KLHL24: variants seen among roughly 807,000 people sequenced by gnomAD.
KLHL24 encodes kelch-like protein 24.
KLHL24 carries 29 observed loss-of-function variants against 53.4 expected under a neutral mutation model. The observed-to-expected ratio is 0.54, with a 90% CI of 0.40 to 0.74. The LOEUF is 0.74. Ranked by LOEUF, KLHL24 falls within the 30% of genes least tolerant of loss-of-function variation. KLHL24 has a pLI of 0.00. For synonymous variants in KLHL24, 222 were observed against 253.7 expected, an observed-to-expected ratio of 0.88 and a Z score of 1.19; for missense variants, 504 against 744.0, an observed-to-expected ratio of 0.68 and a Z score of 3.75.
chr3:183,640,593 CTTTTTT>C (rs1560146340), intron 1 of KLHL24, among the ~76,000 whole-genome samples: 128 of 144,826 alleles, frequency 8.8e-4, no homozygotes, highest in African/African-American at 3.3e-3. Flanking sequence ...TTTCTTTTTT[CTTTTTT>C]CTTTTTTTTT....
At chr3:183,649,577 T>C (rs1049181961) in intron 2 of KLHL24, among the ~76,000 whole-genome samples, 7 of 151,992 alleles carry the variant, frequency 4.6e-5, no homozygotes, top group African/African-American at 1.7e-4. Flanking sequence ...TTAAAGGCTA[T>C]TGATAGATAT....
chr3:183,681,516 T>A lies in KLHL24; in HGVS notation c.*2230T>A, dbSNP rs1022433497. 1 of 152,328 alleles carries A rather than the reference T, an allele frequency of 6.6e-6. No individual in the cohort carries two copies. Among genetic ancestry groups the A allele is most frequent in the African/African-American group, 2.4e-5 (1 of 41,460 alleles). The allele number at this position is 152,328 out of a possible 1,614,324, so 9.4% of individuals were successfully genotyped here. ...TTATAGTAAATTTGAAATGAAATCC[T>A]GAAAAACAGAATTTTTTTAAACACA... On this transcript the variant is annotated 3_prime_UTR_variant, in exon 8 of 8. Coordinates refer to ENST00000242810, the MANE Select transcript of KLHL24 (RefSeq NM_017644.3).
intron 3 of KLHL24, among the ~76,000 whole-genome samples, chr3:183,658,938 G>A (rs926321371): frequency 6.6e-6 from 1 of 151,632 alleles, no homozygotes; most frequent in Non-Finnish European, 1.5e-5. Context: ...CGAGTAGCTG[G>A]AACTACAGGC....
chr3:183,669,289 T>G (rs1721009844), intron 5 of KLHL24, among the ~76,000 whole-genome samples: 1 of 151,942 alleles, frequency 6.6e-6, no homozygotes, highest in Non-Finnish European at 1.5e-5. Context: ...GAGGCAGACA[T>G]TGCAGTGAGC....
intron 3 of KLHL24, among the ~76,000 whole-genome samples, chr3:183,658,773 C>G (rs953394771): frequency 6.6e-6 from 1 of 151,684 alleles, no homozygotes; most frequent in Non-Finnish European, 1.5e-5. Context: ...AAAGTGGTAT[C>G]TCATAATTTT....
chr3:183,663,066 C>T lies in KLHL24; in HGVS notation c.921-392C>T, dbSNP rs1720027704. Among the ~76,000 whole-genome samples, 1 of 152,090 alleles carries T rather than the reference C, an allele frequency of 6.6e-6. No individual in the cohort carries two copies. The highest frequency in any genetic ancestry group is 2.4e-5 in the African/African-American group (1 of 41,424). Reference sequence around the variant, plus strand: ...CAAGCTGATGAAAGAGCACCATTTTCCTACAGTTAGAAAAAAATGCATTAT... The same window carrying T: ...CAAGCTGATGAAAGAGCACCATTTTTCTACAGTTAGAAAAAAATGCATTAT... On this transcript the variant is annotated intron_variant, in intron 3 of 7. Transcript: ENST00000242810. This position sits in a 1 kb window ranked among gnomAD's most constrained non-coding sequence, Gnocchi z 4.9.
At chr3:183,666,900 T>C (rs951571853) in intron 5 of KLHL24, among the ~76,000 whole-genome samples, 9 of 152,096 alleles carry the variant, frequency 5.9e-5, no homozygotes, top group African/African-American at 2.2e-4. Flanking sequence ...CTCAAATTAA[T>C]GAACAACTAA....
rs2108842867 is a variant in KLHL24 at position 183,663,160 on chromosome 3, C to A, written c.921-298C>A. 6.6e-6 allele frequency among the ~76,000 whole-genome samples: 1 copy of A among 152,146 alleles called. No individual in the cohort carries two copies. The highest frequency in any genetic ancestry group is 1.5e-5 in the Non-Finnish European group (1 of 68,026). On this transcript the variant is annotated intron_variant, in intron 3 of 7. Transcript: ENST00000242810. This position sits in a 1 kb window ranked among gnomAD's most constrained non-coding sequence, Gnocchi z 4.9. ...CATTTGAAAGTCATCCTTAATATTG[C>A]CAGGATTCTGATTGGGTTAGATAGG...
chr3:183,659,468 A>G (rs1457410469), intron 3 of KLHL24, among the ~76,000 whole-genome samples: 1 of 152,198 alleles, frequency 6.6e-6, no homozygotes, highest in East Asian at 1.9e-4. Flanking sequence ...ACCCGGGAAG[A>G]GGCAGAGATT....
intron 7 of KLHL24, among the ~76,000 whole-genome samples, chr3:183,675,588 T>A (rs1711703126): frequency 6.6e-6 from 1 of 152,084 alleles, no homozygotes; most frequent in African/African-American, 2.4e-5. Flanking sequence ...AAGCTGCTTT[T>A]TATTGGTTTA....
Position 183,679,327 on chromosome 3 carries a change from T to G in KLHL24, c.*41T>G. The stretch of plus-strand genomic sequence containing the variant: ...CCGAAGAAGCCACACTGATCCAAGA[T>G]GGGAGGTTTTAAAAACTCTACAGTG... On this transcript the variant is annotated 3_prime_UTR_variant, in exon 8 of 8. Coordinates refer to ENST00000242810, the MANE Select transcript of KLHL24 (RefSeq NM_017644.3). 427 of 1,507,846 alleles carry G rather than the reference T, an allele frequency of 2.8e-4. No homozygotes were observed. Among genetic ancestry groups the G allele is most frequent in the Non-Finnish European group, 3.5e-4 (381 of 1,086,436 alleles). The allele number at this position is 1,507,846 out of a possible 1,614,324, so 93.4% of individuals were successfully genotyped here. A position where few individuals can be genotyped will look rare whatever the true frequency, so the allele number is the denominator to read the frequency against.
chr3:183,649,158 A>T (rs186498602), intron 2 of KLHL24, among the ~76,000 whole-genome samples: 3 of 152,344 alleles, frequency 2.0e-5, no homozygotes, highest in Non-Finnish European at 2.9e-5. Flanking sequence ...AAATTTTTTT[A>T]AATGAATATT....
intron 3 of KLHL24, among the ~76,000 whole-genome samples, chr3:183,661,250 C>A (rs1442845700): frequency 3.3e-5 from 5 of 151,382 alleles, no homozygotes; most frequent in Non-Finnish European, 7.4e-5. Context: ...GAAAGAAAAA[C>A]AAAAAAAGAA....
At chr3:183,656,797 C>T (rs935159227) in intron 3 of KLHL24, among the ~76,000 whole-genome samples, 6 of 151,784 alleles carry the variant, frequency 4.0e-5, no homozygotes, top group East Asian at 3.9e-4. Context: ...CAGTGGCTCA[C>T]GCCTGTAATC....
chr3:183,667,802 G>A lies in KLHL24; in HGVS notation c.1224+2763G>A, dbSNP rs560757203. On this transcript the variant is annotated intron_variant, in intron 5 of 7. Coordinates refer to ENST00000242810, the MANE Select transcript of KLHL24 (RefSeq NM_017644.3). Reference sequence around the variant, plus strand: ...CACAGTCATGGCTCACTGCAGCCTGGACATCCTGGGCTCAAGTGATCCTTC... The same window carrying A: ...CACAGTCATGGCTCACTGCAGCCTGAACATCCTGGGCTCAAGTGATCCTTC... Among the ~76,000 whole-genome samples the A allele has an allele frequency of 3.6e-4, 55 of 152,080 alleles. 1 individual carries two copies. In the East Asian group the frequency reaches 7.9e-3, roughly 22 times the overall value.
rs1475287654 is a variant in KLHL24, at chr3:183,671,156, G to A, written c.1347G>A (p.Val449=). 1.2e-6 allele frequency: 2 copies of A among 1,613,988 alleles called. No homozygotes were observed. Among genetic ancestry groups the A allele is most frequent in the African/African-American group, 2.7e-5 (2 of 74,902 alleles). ...AGGAAGCCGTGAGTTCTCCTGCAGT[G>A]ACTAGCTGTGTAGGCAAACTGTTTG... ...PLKEAVSSPA[V]TSCVGKLFVI... The change falls in exon 6 of 8, where the codon GTG becomes GTA. Residue 449 remains valine (V), a synonymous_variant. Transcript: ENST00000242810.
At chr3:183,672,590 C>A in intron 7 of KLHL24, 106 bp downstream of exon 7, 1 of 838,244 alleles carries the variant, frequency 1.2e-6, no homozygotes, top group African/African-American at 1.7e-5. Context: ...TCAGGCTGGG[C>A]GTGGTGGCTC....
intron 3 of KLHL24, among the ~76,000 whole-genome samples, chr3:183,661,837 CAG>C (rs1560171559): frequency 2.0e-5 from 3 of 152,102 alleles, no homozygotes; most frequent in Non-Finnish European, 4.4e-5. Flanking sequence ...TATATTAAGA[CAG>C]AAGTGATTTA....
intron 2 of KLHL24, among the ~76,000 whole-genome samples, chr3:183,648,279 T>C (rs1287827027): frequency 6.6e-6 from 1 of 152,160 alleles, no homozygotes; most frequent in Non-Finnish European, 1.5e-5. Context: ...GAGAATACTA[T>C]ATATAAGAGA....
Sources: gnomAD v4.1 joint callset for allele counts (sites outside exome capture counted in the v4.1 genomes callset) on GRCh38, gnomAD v4.1.1 for gene constraint, Gnocchi (gnomAD v3.1) non-coding constraint, MANE v1.5 for transcripts, NCBI Gene and HGNC (gene_info 2026-07-23, HGNC 2026-07-21) for gene names.